Variants in DOCK2 observed in about 807,000 individuals in gnomAD.
DOCK2 encodes the protein dedicator of cytokinesis protein 2.
Under a neutral mutation model 248.9 loss-of-function variants are expected in DOCK2, and 87 were observed. The observed-to-expected ratio is 0.35, with a 90% CI of 0.29 to 0.42. The LOEUF is 0.42. DOCK2 is among the 10% of genes least tolerant of loss of function. The probability of loss-of-function intolerance (pLI) is 1.00; values close to 1 mark genes in which losing one functional copy is unlikely to be tolerated. For missense variants in DOCK2, 1,747 were observed against 2,300.2 expected, an observed-to-expected ratio of 0.76 and a Z score of 4.92; for synonymous variants, 805 against 821.6, an observed-to-expected ratio of 0.98 and a Z score of 0.35.
chr5:169,942,744 G>C (rs914932136), intron 27 of DOCK2, among the ~76,000 whole-genome samples: 3 of 152,236 alleles, frequency 2.0e-5, no homozygotes, highest in East Asian at 3.9e-4. Context: ...AGACCACGAG[G>C]GTTCAGGAAA....
chr5:170,059,988 A>G (rs991481423), intron 44 of DOCK2, among the ~76,000 whole-genome samples: 1 of 152,244 alleles, frequency 6.6e-6, no homozygotes, highest in Non-Finnish European at 1.5e-5. Flanking sequence ...CAAAAGTTGA[A>G]TGCTCTTCTA....
intron 25 of DOCK2, among the ~76,000 whole-genome samples, chr5:169,766,106 G>A (rs1387998155): frequency 3.3e-5 from 5 of 152,218 alleles, no homozygotes; most frequent in African/African-American, 9.6e-5. Context: ...TGAGGAACAT[G>A]TGCAGGTTTG....
At chr5:169,703,607 G>A (rs573764531) in intron 14 of DOCK2, among the ~76,000 whole-genome samples, 4 of 152,244 alleles carry the variant, frequency 2.6e-5, no homozygotes, top group South Asian at 2.1e-4. Flanking sequence ...ATTCATAATC[G>A]TTTTTTAAAT....
At chr5:170,059,094 G>A (rs1382583835) in intron 44 of DOCK2, among the ~76,000 whole-genome samples, 2 of 152,116 alleles carry the variant, frequency 1.3e-5, no homozygotes, top group Admixed American at 1.3e-4. Flanking sequence ...TAGTAAAAGA[G>A]ATAGGGTATG....
At chr5:169,936,410 G>A (rs959214578) in intron 27 of DOCK2, among the ~76,000 whole-genome samples, 17 of 152,108 alleles carry the variant, frequency 1.1e-4, no homozygotes, top group Non-Finnish European at 2.1e-4. Flanking sequence ...TGAGGATCCA[G>A]GAAGTGAAGT....
At chr5:169,684,463 C>T in intron 8 of DOCK2, 113 bp downstream of exon 8, 2 of 1,349,252 alleles carry the variant, frequency 1.5e-6, no homozygotes, top group Admixed American at 2.2e-5. Flanking sequence ...AGAGACTGCA[C>T]CTGAGTGAGA....
chr5:170,051,060 T>C lies in DOCK2; in HGVS notation c.4213+663T>C, dbSNP rs530840057. The stretch of plus-strand genomic sequence containing the variant: ...GAGGAAGCCATGCAGAGTACTGTGG[T>C]TGGGAAAGGAGAGAAGGTTTCCTTG... On this transcript the variant is annotated intron_variant, in intron 41 of 51. Coordinates refer to ENST00000520908, the MANE Select transcript of DOCK2 (RefSeq NM_004946.3). 4.0e-4 allele frequency among the ~76,000 whole-genome samples: 61 copies of C among 152,228 alleles called. 1 individual carries two copies. In the South Asian group the frequency reaches 0.012, roughly 30 times the overall value.
At chr5:169,874,663 G>T (rs896844663) in intron 27 of DOCK2, among the ~76,000 whole-genome samples, 1 of 152,198 alleles carries the variant, frequency 6.6e-6, no homozygotes, top group South Asian at 2.1e-4. Context: ...CTTAGCGTTT[G>T]GTCCCTTGGC....
chr5:169,834,819 AAC>A (rs1158991526), intron 26 of DOCK2, among the ~76,000 whole-genome samples: 1 of 152,254 alleles, frequency 6.6e-6, no homozygotes, highest in South Asian at 2.1e-4. Context: ...GATTAAAGAG[AAC>A]TAAGGAACAA....
chr5:169,776,174 A>AAT (rs10657686), intron 25 of DOCK2, among the ~76,000 whole-genome samples: 9,872 of 145,982 alleles, frequency 0.068, 369 homozygotes, highest in Non-Finnish European at 0.09. Flanking sequence ...TATTTATATA[A>AAT]ATATATATAT....
intron 22 of DOCK2, among the ~76,000 whole-genome samples, chr5:169,720,941 C>T (rs901572210): frequency 6.6e-5 from 10 of 152,180 alleles, no homozygotes; most frequent in African/African-American, 2.4e-4. Flanking sequence ...CCAGGATGGT[C>T]TTGATCTCCT....
chr5:169,654,524 G>A, intron 2 of DOCK2, 38 bp downstream of exon 2: 4 of 1,611,310 alleles, frequency 2.5e-6, no homozygotes, highest in Non-Finnish European at 3.4e-6. Flanking sequence ...CTGGACCCTT[G>A]GCTGATGGAA....
chr5:169,988,299 C>CT (rs556408726), intron 29 of DOCK2, among the ~76,000 whole-genome samples: 56 of 152,242 alleles, frequency 3.7e-4, no homozygotes, highest in African/African-American at 1.3e-3. Flanking sequence ...AGATCCATCA[C>CT]TGTTGCAAAG....
At chr5:169,820,022 G>A (rs1302237941) in intron 26 of DOCK2, among the ~76,000 whole-genome samples, 1 of 152,212 alleles carries the variant, frequency 6.6e-6, no homozygotes, top group Non-Finnish European at 1.5e-5. Context: ...CTCGCTCGTT[G>A]CTAGCACAGC....
At chr5:169,890,156 G>A (rs774273994) in intron 27 of DOCK2, among the ~76,000 whole-genome samples, 1 of 152,222 alleles carries the variant, frequency 6.6e-6, no homozygotes, top group South Asian at 2.1e-4. Context: ...CGGGGCTCTG[G>A]TGGAGACCCC....
chr5:169,678,111 G>A (rs1251643393), intron 6 of DOCK2, among the ~76,000 whole-genome samples: 6 of 152,122 alleles, frequency 3.9e-5, no homozygotes, highest in African/African-American at 1.2e-4. Context: ...TTCTTAACAA[G>A]CACAGAGTTA....
chr5:169,774,327 G>T (rs1277387013), intron 25 of DOCK2, among the ~76,000 whole-genome samples: 1 of 152,114 alleles, frequency 6.6e-6, no homozygotes, highest in East Asian at 1.9e-4. Flanking sequence ...TTTGTGCCAG[G>T]CCCCAAATAA....
At chr5:169,953,051 C>T (rs1326539689) in intron 27 of DOCK2, among the ~76,000 whole-genome samples, 5 of 152,122 alleles carry the variant, frequency 3.3e-5, no homozygotes, top group South Asian at 4.1e-4. Context: ...GGGCCAGGCA[C>T]GGTGGCTCAT....
Position 169,652,709 on chromosome 5 carries a change from G to A in DOCK2, c.44-1694G>A, listed in dbSNP as rs145137912. ...AATGTGGTTTAGGCAGACGTGTTGGGGTGATTGGACCAGGGGAAGGAGGAA... is the reference window on the plus strand; with the variant it reads ...AATGTGGTTTAGGCAGACGTGTTGGAGTGATTGGACCAGGGGAAGGAGGAA... On this transcript the variant is annotated intron_variant, in intron 1 of 51. Transcript: ENST00000520908. 2.5e-3 allele frequency among the ~76,000 whole-genome samples: 383 copies of A among 152,276 alleles called. 2 individuals carry two copies. Among genetic ancestry groups the A allele is most frequent in the Non-Finnish European group, 3.1e-3 (213 of 67,988 alleles).
Sources: gnomAD v4.1 joint callset for allele counts (sites outside exome capture counted in the v4.1 genomes callset) on GRCh38, gnomAD v4.1.1 for gene constraint, MANE v1.5 for transcripts, NCBI Gene and HGNC (gene_info 2026-07-23, HGNC 2026-07-21) for gene names.